KMT2A: variants seen among roughly 807,000 people sequenced by gnomAD.
KMT2A encodes the protein lysine methyltransferase 2A.
In KMT2A, 16 loss-of-function variants were observed where a neutral mutation model predicts 345.3. The ratio of observed to expected loss-of-function variants is 0.05; its 90% CI spans 0.03 to 0.07. The LOEUF is 0.07. KMT2A is among the 10% of genes least tolerant of loss of function. The pLI, the probability that KMT2A is intolerant of heterozygous loss-of-function variation, is 1.00. For missense variants in KMT2A, 3,272 were observed against 4,841.6 expected, an observed-to-expected ratio of 0.68 and a Z score of 9.62; for synonymous variants, 1,599 against 1,778.6, an observed-to-expected ratio of 0.90 and a Z score of 2.54.
chr11:118,501,400 C>T (rs1234505322), intron 25 of KMT2A, among the ~76,000 whole-genome samples: 8 of 151,634 alleles, frequency 5.3e-5, no homozygotes, highest in African/African-American at 9.7e-5. Context: ...ACCAGGGAGG[C>T]AGATGTTGCA....
chr11:118,500,573 A>G (rs1373581963), intron 24 of KMT2A: 1 of 156,416 alleles, frequency 6.4e-6, no homozygotes, highest in Admixed American at 6.2e-5. Context: ...CTCTTGTCTC[A>G]TGGGGCTCTT....
chr11:118,484,807 C>A lies in KMT2A; in HGVS notation c.4219-55C>A. The A allele has an allele frequency of 8.8e-7, 1 of 1,142,210 alleles. No individual in the cohort carries two copies. The highest frequency in any genetic ancestry group is 1.3e-5 in the South Asian group (1 of 79,576). 70.8% of individuals were successfully genotyped at this position (1,142,210 alleles called of 1,614,324 possible). ...TTTTATGCTTTTCATCCTTATTTTC[C>A]ATCCAAAGTTGTGTAATTGTAAAAC... is the stretch of plus-strand genomic sequence containing the variant. On this transcript the variant is annotated intron_variant, in intron 9 of 35. Transcript: ENST00000534358. The surrounding 1 kb of genome is among the most constrained non-coding windows in gnomAD (Gnocchi z 4.1).
At chr11:118,469,039 G>A (rs1452035112) in intron 2 of KMT2A, among the ~76,000 whole-genome samples, 195 bp downstream of exon 2, 1 of 152,054 alleles carries the variant, frequency 6.6e-6, no homozygotes, top group African/African-American at 2.4e-5. Context: ...TGTGCACAAT[G>A]TGCAAGTTAG....
chr11:118,506,442 G>A lies in KMT2A; in HGVS notation c.10550G>A (p.Gly3517Asp), dbSNP rs1591286967. The change falls in exon 27 of 36, where the codon GGT becomes GAT. Residue 3517 changes from glycine to aspartate, a missense_variant. Transcript: ENST00000534358. Reference sequence around the variant, plus strand: ...CAAGCCAGCCCCACCTCTCCTGGGGGTTCTCCATCCTCTCCATCTTCTGGA... The same window carrying A: ...CAAGCCAGCCCCACCTCTCCTGGGGATTCTCCATCCTCTCCATCTTCTGGA... ...AVQASPTSPGGSPSSPSSGQR... is the reference protein window; with the variant it reads ...AVQASPTSPGDSPSSPSSGQR... 1 of 1,614,160 alleles carries A rather than the reference G, an allele frequency of 6.2e-7. No individual in the cohort carries two copies.
rs1555045491 is a variant in KMT2A at position 118,501,091 on chromosome 11, G to A, written c.6263G>A (p.Ser2088Asn). 7 of 1,614,018 alleles carry A rather than the reference G, an allele frequency of 4.3e-6. No homozygotes were observed. Among genetic ancestry groups the A allele is most frequent in the Admixed American group, 1.7e-5 (1 of 60,004 alleles). Residue 2088 changes from serine (S) to asparagine (N), a missense_variant, in exon 25 of 36, where the codon AGC becomes AAC. Physicochemically the swap from Ser to Asn is conservative, Grantham distance 46. This residue lies in a region of KMT2A where 235 missense variants were observed against 503.4 expected (regional missense o/e 0.47). Transcript: ENST00000534358. ...CCAGTCGTAGAGCCGGATATCAACA[G>A]CACTGTTGAACATGATGAAAACAGG... The part of the protein sequence containing the change: ...RPPVVEPDIN[S>N]TVEHDENRTI...
chr11:118,471,032 C>T (rs563390985), intron 2 of KMT2A, among the ~76,000 whole-genome samples: 1 of 152,296 alleles, frequency 6.6e-6, no homozygotes, highest in Non-Finnish European at 1.5e-5. Flanking sequence ...CACATTATGT[C>T]ACTTCACTGA....
At chr11:118,513,217 C>A (rs1950727206) in intron 31 of KMT2A, among the ~76,000 whole-genome samples, 1 of 151,990 alleles carries the variant, frequency 6.6e-6, no homozygotes, top group Non-Finnish European at 1.5e-5. Context: ...GCACTCCAGC[C>A]TGAACGACAG....
rs2134431005 is a variant in KMT2A, at chr11:118,509,989, C to G, written c.10942C>G (p.Pro3648Ala). Residue 3648 changes from proline to alanine, a missense_variant, in exon 30 of 36, where the codon CCA becomes GCA. Physicochemically the swap from Pro to Ala is conservative, Grantham distance 27. Coordinates refer to ENST00000534358, the MANE Select transcript of KMT2A (RefSeq NM_001197104.2). ...AGAAGAGGAAAGTAATTTCAGCTCC[C>G]CACTGATGCTTTGGCTTCAGCAAGA... is the stretch of plus-strand genomic sequence containing the variant. ...VEEEESNFSS[P>A]LMLWLQQEQK... The G allele has an allele frequency of 1.9e-6, 3 of 1,613,152 alleles. No individual in the cohort carries two copies. The South Asian group carries it at 3.3e-5, about 18-fold the overall frequency.
At chr11:118,446,257 GAGA>G (rs1219055074) in intron 1 of KMT2A, among the ~76,000 whole-genome samples, 1 of 152,156 alleles carries the variant, frequency 6.6e-6, no homozygotes, top group African/African-American at 2.4e-5. Context: ...GCTGAGGCAT[GAGA>G]ATCGCTTGAA....
chr11:118,468,159 C>T (rs924641653), intron 1 of KMT2A, among the ~76,000 whole-genome samples: 4 of 152,096 alleles, frequency 2.6e-5, no homozygotes, highest in Admixed American at 6.6e-5. Context: ...CTTTCACAAA[C>T]GCTGCTGCCC....
intron 1 of KMT2A, among the ~76,000 whole-genome samples, chr11:118,462,705 C>G (rs1320162398): frequency 6.6e-6 from 1 of 152,088 alleles, no homozygotes; most frequent in Non-Finnish European, 1.5e-5. Context: ...ACTACAGGCG[C>G]CCGCCATCAC....
chr11:118,517,485 T>C (rs1403776838), intron 31 of KMT2A, among the ~76,000 whole-genome samples: 4 of 151,886 alleles, frequency 2.6e-5, no homozygotes, highest in African/African-American at 9.7e-5. Flanking sequence ...TTGTGTTACA[T>C]AGTGTTACAT....
chr11:118,481,307 T>C (rs1382141637), intron 6 of KMT2A, among the ~76,000 whole-genome samples: 2 of 152,192 alleles, frequency 1.3e-5, no homozygotes, highest in Non-Finnish European at 2.9e-5. Context: ...ATAAGTTCAA[T>C]TGTTTTAATT....
In KMT2A at chr11:118,471,783, T is replaced by C; in HGVS notation, c.624T>C (p.Asp208=). 1 of 1,613,530 alleles carries C rather than the reference T, an allele frequency of 6.2e-7. No homozygotes were observed. Among genetic ancestry groups the C allele is most frequent in the East Asian group, 2.2e-5 (1 of 44,872 alleles). Residue 208 remains aspartate, a synonymous_variant, in exon 3 of 36, where the codon GAT becomes GAC. Coordinates refer to ENST00000534358, the MANE Select transcript of KMT2A (RefSeq NM_001197104.2). ...PLNKSETKSG[D]KIKKKDSKSI... ...ATAAATCAGAGACCAAATCTGGAGATAAGATCAAGAAGAAAGATTCTAAAA... is the reference window on the plus strand; with the variant it reads ...ATAAATCAGAGACCAAATCTGGAGACAAGATCAAGAAGAAAGATTCTAAAA...
chr11:118,484,162 A>G lies in KMT2A; in HGVS notation c.4087-21A>G, dbSNP rs782521121. 4.3e-6 allele frequency: 7 copies of G among 1,613,088 alleles called. No individual in the cohort carries two copies. In the South Asian group the frequency reaches 7.7e-5, roughly 18 times the overall value. On this transcript the variant is annotated intron_variant, in intron 8 of 35. Transcript: ENST00000534358. This position sits in a 1 kb window ranked among gnomAD's most constrained non-coding sequence, Gnocchi z 4.1. ...CAAATAGGGTGTGATTTTGTTCTAT[A>G]TTCATCTTTTGTCTCCTTAGGAAAA...
intron 1 of KMT2A, among the ~76,000 whole-genome samples, chr11:118,456,493 C>T (rs1428196227): frequency 6.6e-6 from 1 of 152,004 alleles, no homozygotes. Flanking sequence ...CACCTGCCAC[C>T]ACGCCCAGCT....
rs1428494306 is a variant in KMT2A at position 118,521,793 on chromosome 11, C to G, written c.11644-104C>G. ...AATCTGGAAATTTTACTAGAAGAAACTTTCTCAGCCGCTATAGGTAACATC... is the reference window on the plus strand; with the variant it reads ...AATCTGGAAATTTTACTAGAAGAAAGTTTCTCAGCCGCTATAGGTAACATC... On this transcript the variant is annotated intron_variant, in intron 35 of 35. Transcript: ENST00000534358. The surrounding 1 kb of genome is among the most constrained non-coding windows in gnomAD (Gnocchi z 5.3). The G allele has an allele frequency of 1.6e-6, 2 of 1,242,404 alleles. No homozygotes were observed. Among genetic ancestry groups the G allele is most frequent in the African/African-American group, 3.0e-5 (2 of 66,546 alleles). The allele number at this position is 1,242,404 out of a possible 1,614,324, so 77.0% of individuals were successfully genotyped here. A position where few individuals can be genotyped will look rare whatever the true frequency, so the allele number is the denominator to read the frequency against.
chr11:118,502,834 G>C lies in KMT2A; in HGVS notation c.6942G>C (p.Leu2314=). 1 of 1,614,198 alleles carries C rather than the reference G, an allele frequency of 6.2e-7. No homozygotes were observed. Among genetic ancestry groups the C allele is most frequent in the Non-Finnish European group, 8.5e-7 (1 of 1,180,040 alleles). Reference sequence around the variant, plus strand: ...TAAAGGGAGAGAAGACCAAAGTGCTGAGTTCCAAGAGCTCAGAGGGATCTG... The same window carrying C: ...TAAAGGGAGAGAAGACCAAAGTGCTCAGTTCCAAGAGCTCAGAGGGATCTG... ...SSLKGEKTKV[L]SSKSSEGSAH... Residue 2314 remains leucine (L), a synonymous_variant, in exon 27 of 36, where the codon CTG becomes CTC. Coordinates refer to ENST00000534358, the MANE Select transcript of KMT2A (RefSeq NM_001197104.2). The surrounding 1 kb of genome is among the most constrained non-coding windows in gnomAD (Gnocchi z 4.9).
At position 118,482,028 on chromosome 11, in the gene KMT2A, A is replaced by G; in HGVS notation, c.3948A>G (p.Arg1316=). The G allele has an allele frequency of 1.2e-6, 2 of 1,614,138 alleles. No homozygotes were observed. Among genetic ancestry groups the G allele is most frequent in the Middle Eastern group, 3.3e-4 (2 of 6,062 alleles). ...AGCCACCTACTACAGGACCGCCAAGAAAAGAAGTTCCCAAAACCACTCCTA... is the reference window on the plus strand; with the variant it reads ...AGCCACCTACTACAGGACCGCCAAGGAAAGAAGTTCCCAAAACCACTCCTA... ...PPQPPTTGPP[R]KEVPKTTPSE... The change falls in exon 7 of 36, where the codon AGA becomes AGG. Residue 1316 remains arginine (R), a synonymous_variant. Transcript: ENST00000534358.
Sources: allele counts gnomAD v4.1 joint callset (sites outside exome capture counted in the v4.1 genomes callset), GRCh38; gene constraint gnomAD v4.1.1; regional missense constraint gnomAD v4.1.1; non-coding constraint Gnocchi (gnomAD v3.1); transcripts MANE v1.5; gene names NCBI Gene and HGNC (gene_info 2026-07-23, HGNC 2026-07-21).